HDAC8: variants seen among roughly 807,000 people sequenced by gnomAD.
The protein encoded by HDAC8 is histone deacetylase-like 1.
A neutral mutation model predicts 32.2 loss-of-function variants in HDAC8; 1 was observed. The observed-to-expected ratio is 0.03, with a 90% CI of 0.01 to 0.15. HDAC8 has a LOEUF of 0.15. Ranked by LOEUF, HDAC8 falls within the 10% of genes least tolerant of loss-of-function variation. The probability of loss-of-function intolerance (pLI) is 1.00; values close to 1 mark genes in which losing one functional copy is unlikely to be tolerated. For synonymous variants in HDAC8, 108 were observed against 113.9 expected, an observed-to-expected ratio of 0.95 and a Z score of 0.33; for missense variants, 117 against 300.0, an observed-to-expected ratio of 0.39 and a Z score of 4.51.
intron 4 of HDAC8, among the ~76,000 whole-genome samples, chrX:72,526,386 T>C (rs1361450756): frequency 2.7e-5 from 3 of 110,515 alleles, no homozygotes; most frequent in Non-Finnish European, 5.7e-5. Context: ...ATGTGTCTTG[T>C]CCATGCTCCC....
chrX:72,357,821 C>G (rs1385340685), intron 9 of HDAC8, among the ~76,000 whole-genome samples: 1 of 112,063 alleles, frequency 8.9e-6, no homozygotes, highest in African/African-American at 3.2e-5. Flanking sequence ...TCCTTCTTAA[C>G]TAGGCATTTA....
chrX:72,529,200 T>G (rs980605652), intron 4 of HDAC8, among the ~76,000 whole-genome samples: 1 of 112,485 alleles, frequency 8.9e-6, no homozygotes, highest in Non-Finnish European at 1.9e-5. Flanking sequence ...AAGATACCCA[T>G]GTCTTAATCC....
chrX:72,473,639 T>C, intron 7 of HDAC8: 2 of 746,407 alleles, frequency 2.7e-6, no homozygotes, highest in Non-Finnish European at 3.2e-6. Context: ...CACCAGAGTT[T>C]TTGCTCTAAA....
chrX:72,519,080 T>TGTAAATTGTAAATGTAA (rs1468235505), intron 4 of HDAC8, among the ~76,000 whole-genome samples: 2 of 112,722 alleles, frequency 1.8e-5, no homozygotes, highest in African/African-American at 6.4e-5. Flanking sequence ...TCAAGTCAAT[T>TGTAAATTGTAAATGTAA]GTGTAAATAA....
intron 7 of HDAC8, among the ~76,000 whole-genome samples, chrX:72,481,217 A>T (rs1234933057): frequency 1.8e-5 from 2 of 110,992 alleles, no homozygotes; most frequent in East Asian, 5.7e-4. Flanking sequence ...AGCCCCTTAT[A>T]AAACTATCAG....
intron 4 of HDAC8, among the ~76,000 whole-genome samples, chrX:72,540,576 C>A (rs2050671944): frequency 9.1e-6 from 1 of 109,310 alleles, no homozygotes. Flanking sequence ...TAGTAATGTT[C>A]AATATGCTGG....
At chrX:72,367,978 A>G (rs2044749007) in intron 9 of HDAC8, among the ~76,000 whole-genome samples, 1 of 113,297 alleles carries the variant, frequency 8.8e-6, no homozygotes, top group South Asian at 3.6e-4. Context: ...GAAATGGCAT[A>G]TTTCAGCATA....
intron 4 of HDAC8, among the ~76,000 whole-genome samples, chrX:72,563,916 C>A (rs185448957): frequency 6.6e-4 from 74 of 111,491 alleles, no homozygotes; most frequent in African/African-American, 2.3e-3. Context: ...AATCCCAGCA[C>A]CTTGGGAGGC....
intron 9 of HDAC8, among the ~76,000 whole-genome samples, chrX:72,400,160 G>A (rs1264060211): frequency 9.0e-6 from 1 of 111,400 alleles, no homozygotes; most frequent in Non-Finnish European, 1.9e-5. Context: ...ACATTTTAAT[G>A]TTGGACTGTC....
intron 9 of HDAC8, among the ~76,000 whole-genome samples, chrX:72,400,398 A>G (rs1432207452): frequency 8.9e-6 from 1 of 111,803 alleles, no homozygotes; most frequent in African/African-American, 3.3e-5. Context: ...TGAACTCTTT[A>G]TCATCTGAAA....
intron 9 of HDAC8, among the ~76,000 whole-genome samples, chrX:72,408,928 C>T (rs1047744013): frequency 9.0e-6 from 1 of 111,214 alleles, no homozygotes; most frequent in Non-Finnish European, 1.9e-5. Context: ...TTAGGGCAGA[C>T]AAGAGTACAA....
At chrX:72,451,358 G>A (rs1274872506) in intron 9 of HDAC8, among the ~76,000 whole-genome samples, 1 of 111,046 alleles carries the variant, frequency 9.0e-6, no homozygotes, top group African/African-American at 3.3e-5. Flanking sequence ...CACCACACCG[G>A]GCTTCTTTTT....
intron 4 of HDAC8, among the ~76,000 whole-genome samples, chrX:72,524,415 C>T (rs2050073734): frequency 8.9e-6 from 1 of 111,795 alleles, no homozygotes; most frequent in African/African-American, 3.3e-5. Context: ...CCATGGCAGA[C>T]ATTGCTAATT....
chrX:72,532,657 T>C (rs1366386064), intron 4 of HDAC8, among the ~76,000 whole-genome samples: 1 of 110,387 alleles, frequency 9.1e-6, no homozygotes, highest in African/African-American at 3.3e-5. Flanking sequence ...TATTGACTAC[T>C]TGTATATCTT....
chrX:72,420,947 A>G (rs2046470833), intron 9 of HDAC8, among the ~76,000 whole-genome samples: 1 of 109,773 alleles, frequency 9.1e-6, no homozygotes, highest in African/African-American at 3.3e-5. Flanking sequence ...ACTTTCATCT[A>G]TTTACATTTA....
chrX:72,570,061 G>A (rs1267662776), intron 2 of HDAC8, among the ~76,000 whole-genome samples: 2 of 111,931 alleles, frequency 1.8e-5, no homozygotes, highest in Non-Finnish European at 3.8e-5. Context: ...CGACTATACA[G>A]GCTACTACTA....
At chrX:72,543,267 G>A (rs1238873277) in intron 4 of HDAC8, among the ~76,000 whole-genome samples, 1 of 111,373 alleles carries the variant, frequency 9.0e-6, no homozygotes, top group Non-Finnish European at 1.9e-5. Context: ...GAAGAGGCCT[G>A]GATGGAGGGG....
At chrX:72,536,963 C>T (rs1205531383) in intron 4 of HDAC8, among the ~76,000 whole-genome samples, 2 of 112,022 alleles carry the variant, frequency 1.8e-5, no homozygotes, top group Non-Finnish European at 3.8e-5. Context: ...AAGGTTTGGG[C>T]TGTTTCTTCA....
rs782739247 is a variant in HDAC8 at position 72,491,021 on chromosome X, A to C, written c.551-15T>G. On this transcript the variant is annotated splice_polypyrimidine_tract_variant and intron_variant, in intron 5 of 10. Transcript: ENST00000373573. ...GTCTTCTACACCTAACAGATAAAGA[A>C]ACATCAAAAGAATCACTTCACATAT... 8.9e-7 allele frequency: 1 copy of C among 1,123,182 alleles called. No individual in the cohort carries two copies. The highest frequency in any genetic ancestry group is 3.0e-5 in the East Asian group (1 of 33,417). 92.6% of individuals were successfully genotyped at this position (1,123,182 alleles called of 1,213,427 possible).
Sources: allele counts gnomAD v4.1 joint callset (sites outside exome capture counted in the v4.1 genomes callset), GRCh38; gene constraint gnomAD v4.1.1; transcripts MANE v1.5; gene names NCBI Gene and HGNC (gene_info 2026-07-23, HGNC 2026-07-21).